Variants in PARP11 observed in about 807,000 individuals in gnomAD.
PARP11 encodes the protein poly(ADP-ribose) polymerase family member 11.
PARP11 carries 31 observed loss-of-function variants against 42.9 expected under a neutral mutation model. That is an observed-to-expected ratio of 0.72 (90% CI 0.54 to 0.98). PARP11 has a LOEUF of 0.98. PARP11 is among the 50% of genes least tolerant of loss of function. The probability of loss-of-function intolerance (pLI) is 0.00; values close to 1 mark genes in which losing one functional copy is unlikely to be tolerated. For missense variants in PARP11, 365 were observed against 413.1 expected (o/e 0.88, Z 1.01); for synonymous variants, 137 against 127.3 (o/e 1.08, Z -0.51).
chr12:3,843,833 CTTT>C (rs1161884631), intron 1 of PARP11, among the ~76,000 whole-genome samples: 1 of 152,168 alleles, frequency 6.6e-6, no homozygotes, highest in Non-Finnish European at 1.5e-5. Flanking sequence ...AAAATCCACT[CTTT>C]TATTATGTTG....
rs527580729 is a variant in PARP11 at position 3,861,379 on chromosome 12, T to C, written c.18+11833A>G. ...CTTTTCTTAATATTTGCCAATCTGA[T>C]AGATGGGCAGTATTGTGGTTCTATT... On this transcript the variant is annotated intron_variant, in intron 1 of 7. Transcript: ENST00000228820. The surrounding 1 kb of genome is among the most constrained non-coding windows in gnomAD (Gnocchi z 4.6). Among the ~76,000 whole-genome samples the C allele has an allele frequency of 6.6e-6, 1 of 152,330 alleles. No individual in the cohort carries two copies. The highest frequency in any genetic ancestry group is 1.9e-4 in the East Asian group (1 of 5,192).
At chr12:3,867,777 CA>C (rs1447825042) in intron 1 of PARP11, among the ~76,000 whole-genome samples, 1 of 152,106 alleles carries the variant, frequency 6.6e-6, no homozygotes, top group Non-Finnish European at 1.5e-5. Flanking sequence ...CTGAAGAAGT[CA>C]AAAAATGACT....
At chr12:3,837,097 T>C (rs1324898908) in intron 1 of PARP11, among the ~76,000 whole-genome samples, 1 of 152,088 alleles carries the variant, frequency 6.6e-6, no homozygotes, top group East Asian at 1.9e-4. Flanking sequence ...TGTAACTCAA[T>C]CAAAGGAGAC....
chr12:3,836,146 T>C (rs1271161166), intron 1 of PARP11, among the ~76,000 whole-genome samples: 3 of 151,638 alleles, frequency 2.0e-5, no homozygotes, highest in Non-Finnish European at 4.4e-5. Flanking sequence ...GAGATCCAAA[T>C]GCAGACACAT....
At chr12:3,851,839 C>G (rs1354279465) in intron 1 of PARP11, among the ~76,000 whole-genome samples, 1 of 152,236 alleles carries the variant, frequency 6.6e-6, no homozygotes, top group Admixed American at 6.5e-5. Context: ...TGTAGCTTAA[C>G]TGGGAGACAC....
At chr12:3,813,894 C>A in intron 7 of PARP11, 143 bp downstream of exon 7, 1 of 544,974 alleles carries the variant, frequency 1.8e-6, no homozygotes. Context: ...TATCTATTCT[C>A]GTACACAATG....
At chr12:3,841,928 A>G in intron 1 of PARP11, 10 of 1,604,776 alleles carry the variant, frequency 6.2e-6, no homozygotes, top group Admixed American at 5.0e-5. Context: ...AGGAGTGAAC[A>G]TGTACATTCT....
Position 3,873,373 on chromosome 12 carries a change from CCT to C in PARP11, c.-146_-145del. On this transcript the variant is annotated 5_prime_UTR_variant, in exon 1 of 8. Transcript: ENST00000228820. Reference sequence around the variant, plus strand: ...TACGAAGGCCTTCCTCCTCCCCCTCCCTGTCACAAGCCAGCGTTTACAGACCA... The same window carrying C: ...TACGAAGGCCTTCCTCCTCCCCCTCCGTCACAAGCCAGCGTTTACAGACCA... 1.3e-6 allele frequency: 1 copy of C among 748,474 alleles called. No homozygotes were observed. Among genetic ancestry groups the C allele is most frequent in the Non-Finnish European group, 2.3e-6 (1 of 436,818 alleles). 46.4% of individuals were successfully genotyped at this position (748,474 alleles called of 1,614,324 possible). A position where few individuals can be genotyped will look rare whatever the true frequency, so the allele number is the denominator to read the frequency against.
intron 1 of PARP11, among the ~76,000 whole-genome samples, chr12:3,837,390 G>C (rs1947789455): frequency 6.6e-6 from 1 of 152,190 alleles, no homozygotes; most frequent in South Asian, 2.1e-4. Context: ...AGTACAACTT[G>C]TTGAATCTAC....
chr12:3,811,897 A>G lies in PARP11; in HGVS notation c.*226T>C, dbSNP rs1947185252. The G allele has an allele frequency of 1.9e-6, 1 of 515,912 alleles. No individual in the cohort carries two copies. The allele number at this position is 515,912 out of a possible 1,614,324, so 32.0% of individuals were successfully genotyped here. On this transcript the variant is annotated 3_prime_UTR_variant, in exon 8 of 8. Coordinates refer to ENST00000228820, the MANE Select transcript of PARP11 (RefSeq NM_020367.6). ...ATCTTTCACCCCTATGTGTTAAAAC[A>G]TCAATGATATCAACTTTTAACAAAC...
In PARP11 at chr12:3,833,417, C is replaced by A. The variant is rs719352; in HGVS notation, c.19-3399G>T. Among the ~76,000 whole-genome samples the A allele has an allele frequency of 9.2e-5, 14 of 151,938 alleles. No individual in the cohort carries two copies. In the East Asian group the frequency reaches 2.7e-3, roughly 29 times the overall value. Reference sequence around the variant, plus strand: ...GGAGTTTGAGGCAAGCCTGGCAACACAGTGAGACTCCATCTCTACAAAAAA... The same window carrying A: ...GGAGTTTGAGGCAAGCCTGGCAACAAAGTGAGACTCCATCTCTACAAAAAA... On this transcript the variant is annotated intron_variant, in intron 1 of 7. Coordinates refer to ENST00000228820, the MANE Select transcript of PARP11 (RefSeq NM_020367.6).
At chr12:3,841,759 C>T in intron 1 of PARP11, 1 of 1,612,602 alleles carries the variant, frequency 6.2e-7, no homozygotes, top group Non-Finnish European at 8.5e-7. Context: ...TCATGTTTGG[C>T]ATGGGTACCC....
intron 1 of PARP11, among the ~76,000 whole-genome samples, chr12:3,855,538 GA>G (rs1187295301): frequency 6.6e-6 from 1 of 152,256 alleles, no homozygotes; most frequent in African/African-American, 2.4e-5. Flanking sequence ...GCTACAAAGA[GA>G]ATAAAATACC....
intron 1 of PARP11, among the ~76,000 whole-genome samples, chr12:3,833,843 A>G (rs1270983367): frequency 3.9e-5 from 6 of 152,164 alleles, no homozygotes; most frequent in Admixed American, 3.9e-4. Context: ...CCCAAAAGAC[A>G]GGCAGAGGGC....
At chr12:3,849,258 C>CA (rs146114938) in intron 1 of PARP11, among the ~76,000 whole-genome samples, 4,240 of 148,850 alleles carry the variant, frequency 0.028, 210 homozygotes, top group African/African-American at 0.099. Flanking sequence ...GGAGGTACCT[C>CA]AAAAAAAAAT....
At chr12:3,867,917 A>C (rs926212372) in intron 1 of PARP11, among the ~76,000 whole-genome samples, 6 of 152,214 alleles carry the variant, frequency 3.9e-5, no homozygotes, top group Non-Finnish European at 8.8e-5. Flanking sequence ...ATCTTCCGAT[A>C]ATTTTTCAGT....
chr12:3,824,403 T>C (rs1157083838), intron 4 of PARP11, among the ~76,000 whole-genome samples: 1 of 152,242 alleles, frequency 6.6e-6, no homozygotes, highest in Non-Finnish European at 1.5e-5. Flanking sequence ...AAGTATCTTT[T>C]AGCTATGACC....
intron 1 of PARP11, among the ~76,000 whole-genome samples, chr12:3,857,125 C>A (rs545560877): frequency 2.6e-3 from 206 of 78,762 alleles, no homozygotes; most frequent in African/African-American, 6.0e-3. Context: ...CAGGGCCTGT[C>A]GGGGGGTGGG....
rs115327950 is a variant in PARP11, at chr12:3,841,901, A to G, written c.19-11883T>C. The stretch of plus-strand genomic sequence containing the variant: ...GATTGTGGTTCAGTTTCCACAGTAG[A>G]TGAGTTTCCAGCAGCCAGGAGTGAA... On this transcript the variant is annotated intron_variant, in intron 1 of 7. Coordinates refer to ENST00000228820, the MANE Select transcript of PARP11 (RefSeq NM_020367.6). 1,006 of 1,608,072 alleles carry G rather than the reference A, an allele frequency of 6.3e-4. 10 individuals are homozygous for G. In the African/African-American group the frequency reaches 0.012, roughly 19 times the overall value.
Sources: gnomAD v4.1 joint callset for allele counts (sites outside exome capture counted in the v4.1 genomes callset) on GRCh38, gnomAD v4.1.1 for gene constraint, Gnocchi (gnomAD v3.1) non-coding constraint, MANE v1.5 for transcripts, NCBI Gene and HGNC (gene_info 2026-07-23, HGNC 2026-07-21) for gene names.